The following ANKHD1 variants were observed in gnomAD, a reference collection of about 807,000 sequenced individuals.
ANKHD1 encodes the protein ankyrin repeat and KH domain-containing protein 1.
ANKHD1 carries 31 observed loss-of-function variants against 230.5 expected under a neutral mutation model. That is an observed-to-expected ratio of 0.13 (90% confidence interval 0.10 to 0.18). ANKHD1 has a LOEUF of 0.18. ANKHD1 is among the 10% of genes least tolerant of loss of function. ANKHD1 has a pLI of 1.00. For missense variants in ANKHD1, 2,256 were observed against 3,071.3 expected, an observed-to-expected ratio of 0.73 and a Z score of 6.27; for synonymous variants, 1,074 against 1,117.6, an observed-to-expected ratio of 0.96 and a Z score of 0.78.
At chr5:140,406,153 G>A (rs1436254599) in intron 1 of ANKHD1, among the ~76,000 whole-genome samples, 2 of 151,524 alleles carry the variant, frequency 1.3e-5, no homozygotes, top group East Asian at 2.0e-4. Flanking sequence ...GAGGAGAATC[G>A]CTTGAACCCA....
intron 1 of ANKHD1, among the ~76,000 whole-genome samples, chr5:140,426,006 A>G (rs974425136): frequency 1.3e-5 from 2 of 152,194 alleles, no homozygotes; most frequent in African/African-American, 4.8e-5. Context: ...GGGGAAGGAT[A>G]AGACATGTTG....
Position 140,538,905 on chromosome 5 carries a change from T to C in ANKHD1, c.7405-14T>C. 2.0e-6 allele frequency: 3 copies of C among 1,486,638 alleles called. No individual in the cohort carries two copies. Among genetic ancestry groups the C allele is most frequent in the South Asian group, 1.4e-5 (1 of 69,016 alleles). The allele number at this position is 1,486,638 out of a possible 1,614,324, so 92.1% of individuals were successfully genotyped here. ...AGTAATTTTAAGATTAAATCTTTTT[T>C]CCTGCTGTTTTAGGGTCTGCCAATT... On this transcript the variant is annotated splice_polypyrimidine_tract_variant and intron_variant, in intron 32 of 33. Transcript: ENST00000360839.
chr5:140,445,293 G>A (rs929323781), intron 5 of ANKHD1, among the ~76,000 whole-genome samples: 4 of 152,108 alleles, frequency 2.6e-5, no homozygotes, highest in Admixed American at 6.5e-5. Context: ...ATTACCTGAC[G>A]TCAGGAGTTT....
Position 140,526,284 on chromosome 5 carries a change from A to G in ANKHD1, c.4781A>G (p.Asp1594Gly). The change falls in exon 26 of 34, where the codon GAT becomes GGT. Residue 1594 changes from aspartate to glycine, a missense_variant. By Grantham distance (94) the Asp-to-Gly change is moderately conservative. This residue lies in a region of ANKHD1 where 212 missense variants were observed against 257.3 expected (regional missense o/e 0.82). Transcript: ENST00000360839. The part of the protein sequence containing the change: ...GGGAGGNSDS[D>G]NLDSTDCNSE... Reference sequence around the variant, plus strand: ...GGTGCAGGTGGGAATAGTGATTCAGATAACTTGGACAGCACAGACTGCAAC... The same window carrying G: ...GGTGCAGGTGGGAATAGTGATTCAGGTAACTTGGACAGCACAGACTGCAAC... 2 of 1,614,240 alleles carry G rather than the reference A, an allele frequency of 1.2e-6. No homozygotes were observed. Among genetic ancestry groups the G allele is most frequent in the Non-Finnish European group, 1.7e-6 (2 of 1,180,046 alleles).
intron 5 of ANKHD1, among the ~76,000 whole-genome samples, chr5:140,442,298 C>G (rs1561727537): frequency 1.3e-5 from 2 of 151,998 alleles, no homozygotes; most frequent in Non-Finnish European, 2.9e-5. Context: ...CCCGCCTCAG[C>G]CTCCCAAAGT....
chr5:140,529,075 C>T lies in ANKHD1; in HGVS notation c.6129C>T (p.Thr2043=), dbSNP rs767601695. Residue 2043 remains threonine (T), a synonymous_variant, in exon 29 of 34, where the codon ACC becomes ACT. Coordinates refer to ENST00000360839, the MANE Select transcript of ANKHD1 (RefSeq NM_017747.3). ...TQDQPMANLC[T]PSSTANSCSS... ...ACCAGCCCATGGCAAACCTATGTACCCCATCTTCAACTGCAAACAGTTGCA... is the reference window on the plus strand; with the variant it reads ...ACCAGCCCATGGCAAACCTATGTACTCCATCTTCAACTGCAAACAGTTGCA... 2.5e-6 allele frequency: 4 copies of T among 1,613,986 alleles called. No individual in the cohort carries two copies. The South Asian group carries it at 3.3e-5, about 13-fold the overall frequency.
chr5:140,539,610 GAACTT>G lies in ANKHD1; in HGVS notation c.*195_*199del. The G allele has an allele frequency of 1.7e-6, 1 of 596,448 alleles. No individual in the cohort carries two copies. Among genetic ancestry groups the G allele is most frequent in the Non-Finnish European group, 2.8e-6 (1 of 361,392 alleles). The allele number at this position is 596,448 out of a possible 1,614,324, so 36.9% of individuals were successfully genotyped here. ...GTTCTCTGGTTAGTTTAGCCATTTT[GAACTT>G]AAGATCATATGACCTTAGTGCTTTT... On this transcript the variant is annotated 3_prime_UTR_variant, in exon 34 of 34. Transcript: ENST00000360839.
chr5:140,423,086 G>A (rs1389339098), intron 1 of ANKHD1, among the ~76,000 whole-genome samples: 1 of 151,786 alleles, frequency 6.6e-6, no homozygotes, highest in Non-Finnish European at 1.5e-5. Flanking sequence ...ATTTTTTGGT[G>A]GAGGTGAGGT....
At chr5:140,488,225 G>A (rs1005691618) in intron 14 of ANKHD1, among the ~76,000 whole-genome samples, 1 of 152,028 alleles carries the variant, frequency 6.6e-6, no homozygotes, top group African/African-American at 2.4e-5. Context: ...TTCTTTGGGG[G>A]GGAGTTTATT....
At chr5:140,483,876 A>C (rs193084113) in intron 11 of ANKHD1, among the ~76,000 whole-genome samples, 128 of 152,306 alleles carry the variant, frequency 8.4e-4, no homozygotes, top group African/African-American at 3.0e-3. Context: ...ATAGTCTGTA[A>C]AAGCTGTTTA....
intron 1 of ANKHD1, among the ~76,000 whole-genome samples, chr5:140,434,631 A>G (rs1439522621): frequency 6.6e-6 from 1 of 151,828 alleles, no homozygotes; most frequent in East Asian, 1.9e-4. Context: ...TGTGTATTTT[A>G]TTTAATTTTA....
intron 10 of ANKHD1, chr5:140,472,407 T>A: frequency 6.8e-7 from 1 of 1,471,850 alleles, no homozygotes; most frequent in Non-Finnish European, 9.0e-7. Flanking sequence ...CCCTGCTGGG[T>A]GACAAAGGAA....
chr5:140,464,059 A>T (rs1276609951), intron 9 of ANKHD1, among the ~76,000 whole-genome samples: 4 of 151,964 alleles, frequency 2.6e-5, no homozygotes, highest in Non-Finnish European at 5.9e-5. Context: ...AACATGGTAA[A>T]ACCCTATCTC....
intron 1 of ANKHD1, among the ~76,000 whole-genome samples, chr5:140,414,567 C>G (rs899705865): frequency 6.6e-6 from 1 of 152,170 alleles, no homozygotes; most frequent in East Asian, 1.9e-4. Context: ...CACAGTGGCT[C>G]ACGCCTGTAA....
At chr5:140,488,136 G>A (rs974234130) in intron 14 of ANKHD1, among the ~76,000 whole-genome samples, 4 of 152,100 alleles carry the variant, frequency 2.6e-5, no homozygotes, top group Non-Finnish European at 5.9e-5. Flanking sequence ...AATTAAACAT[G>A]CATCTGTAAG....
At position 140,438,437 on chromosome 5, in the gene ANKHD1, CTGAT is replaced by C. The variant is rs1561720936; in HGVS notation, c.461-15_461-12del. Reference sequence around the variant, plus strand: ...TTTTTTTTTTGTTGTTCTGCACTACCTGATTGATTGATGCACACTGAAGGAATTG... The same window carrying C: ...TTTTTTTTTTGTTGTTCTGCACTACCTGATTGATGCACACTGAAGGAATTG... On this transcript the variant is annotated intron_variant, in intron 2 of 33. Coordinates refer to ENST00000360839, the MANE Select transcript of ANKHD1 (RefSeq NM_017747.3). 14 of 1,564,730 alleles carry C rather than the reference CTGAT, an allele frequency of 8.9e-6. No homozygotes were observed. Among genetic ancestry groups the C allele is most frequent in the African/African-American group, 2.7e-5 (2 of 73,344 alleles).
chr5:140,524,971 A>G, intron 25 of ANKHD1: 1 of 339,426 alleles, frequency 2.9e-6, no homozygotes, highest in South Asian at 2.2e-5. Flanking sequence ...TTAGCCTGGG[A>G]TTACAGGCGT....
At chr5:140,533,516 G>A (rs1363369469) in intron 29 of ANKHD1, among the ~76,000 whole-genome samples, 2 of 151,988 alleles carry the variant, frequency 1.3e-5, no homozygotes, top group Non-Finnish European at 2.9e-5. Flanking sequence ...GGAGAATGGC[G>A]TGAACCCGGG....
chr5:140,539,181 G>C, intron 33 of ANKHD1, 98 bp downstream of exon 33: 1 of 1,511,632 alleles, frequency 6.6e-7, no homozygotes, highest in Non-Finnish European at 8.9e-7. Context: ...AGTCATAATT[G>C]ACCATTTCGA....
Sources: gnomAD v4.1 joint callset for allele counts (sites outside exome capture counted in the v4.1 genomes callset) on GRCh38, gnomAD v4.1.1 for gene constraint, gnomAD v4.1.1 regional missense constraint, MANE v1.5 for transcripts, NCBI Gene and HGNC (gene_info 2026-07-23, HGNC 2026-07-21) for gene names.